The following SNRPB variants were observed in gnomAD, a reference collection of about 807,000 sequenced individuals.
SNRPB encodes the protein small nuclear ribonucleoprotein polypeptides B and B1.
SNRPB carries 5 observed loss-of-function variants against 26.6 expected under a neutral mutation model. The ratio of observed to expected loss-of-function variants is 0.19; its 90% CI spans 0.10 to 0.39. The LOEUF (loss-of-function observed/expected upper bound fraction) is 0.39. Among genes scored for constraint, SNRPB ranks in the 10% least tolerant of loss-of-function variants. SNRPB has a pLI of 1.00. For synonymous variants in SNRPB, 122 were observed against 105.8 expected, an observed-to-expected ratio of 1.15 and a Z score of -0.94; for missense variants, 211 against 311.9, an observed-to-expected ratio of 0.68 and a Z score of 2.44.
At chr20:2,466,491 G>T (rs1357223158) in intron 2 of SNRPB, among the ~76,000 whole-genome samples, 2 of 152,068 alleles carry the variant, frequency 1.3e-5, no homozygotes, top group Non-Finnish European at 2.9e-5. Flanking sequence ...GCTAAAGCTA[G>T]ATCCTAAAAA....
intron 1 of SNRPB, among the ~76,000 whole-genome samples, chr20:2,469,448 T>C (rs2085097985): frequency 6.6e-6 from 1 of 152,142 alleles, no homozygotes. Context: ...TCCCAGCACT[T>C]TGGGAGGCCA....
chr20:2,462,026 T>C, intron 6 of SNRPB, 87 bp from the exon 7 acceptor site: 1 of 908,334 alleles, frequency 1.1e-6, no homozygotes, highest in East Asian at 2.4e-5. Context: ...CCTGCAGTAA[T>C]CGAGTGAGGA....
At position 2,461,662 on chromosome 20, in the gene SNRPB, A is replaced by G; in HGVS notation, c.*267T>C. On this transcript the variant is annotated 3_prime_UTR_variant, in exon 7 of 7. Coordinates refer to ENST00000381342, the MANE Select transcript of SNRPB (RefSeq NM_003091.4). ...AATTATAATGTTCTCTTAAGAGTTT[A>G]TTATAAACCAGTTTCATAGGCCACA... is the stretch of plus-strand genomic sequence containing the variant. 1 of 853,078 alleles carries G rather than the reference A, an allele frequency of 1.2e-6. No homozygotes were observed. The highest frequency in any genetic ancestry group is 1.8e-6 in the Non-Finnish European group (1 of 550,522). 52.8% of individuals were successfully genotyped at this position (853,078 alleles called of 1,614,324 possible).
At chr20:2,467,814 T>C in intron 1 of SNRPB, 56 bp from the exon 2 acceptor site, 1 of 1,556,564 alleles carries the variant, frequency 6.4e-7, no homozygotes, top group Non-Finnish European at 8.8e-7. Context: ...CAAGCACCTC[T>C]GGCCCTCCCC....
chr20:2,463,288 C>T lies in SNRPB; in HGVS notation c.421-61G>A, dbSNP rs2085048823. 3.0e-6 allele frequency: 4 copies of T among 1,335,206 alleles called. No individual in the cohort carries two copies. The highest frequency in any genetic ancestry group is 4.3e-6 in the Non-Finnish European group (4 of 927,158). The allele number at this position is 1,335,206 out of a possible 1,614,324, so 82.7% of individuals were successfully genotyped here. ...CAGTACAATGCAGCTTCCCACTCTC[C>T]TCCCCAACTTGGGGAAGGACAGTGG... On this transcript the variant is annotated intron_variant, in intron 4 of 6. Coordinates refer to ENST00000381342, the MANE Select transcript of SNRPB (RefSeq NM_003091.4). The surrounding 1 kb of genome is among the most constrained non-coding windows in gnomAD (Gnocchi z 5.0).
intron 6 of SNRPB, among the ~76,000 whole-genome samples, chr20:2,462,273 GA>G (rs11342325): frequency 0.042 from 6,429 of 152,180 alleles, 429 homozygotes; most frequent in African/African-American, 0.14. Flanking sequence ...AAGTTAAAGA[GA>G]AATCCATAAT....
chr20:2,461,907 T>A lies in SNRPB; in HGVS notation c.*22A>T, dbSNP rs745435272. ...CGAGCCCACGCCTCTGCGGAGCTAC[T>A]TCCATACTCTGTGGCCAAGGGTCAA... On this transcript the variant is annotated 3_prime_UTR_variant, in exon 7 of 7. Transcript: ENST00000381342. 1 of 1,613,762 alleles carries A rather than the reference T, an allele frequency of 6.2e-7. No homozygotes were observed. The highest frequency in any genetic ancestry group is 8.5e-7 in the Non-Finnish European group (1 of 1,179,918).
At position 2,463,037 on chromosome 20, in the gene SNRPB, C is replaced by T. The variant is rs1568462838; in HGVS notation, c.559+52G>A. On this transcript the variant is annotated intron_variant, in intron 5 of 6. Coordinates refer to ENST00000381342, the MANE Select transcript of SNRPB (RefSeq NM_003091.4). This position sits in a 1 kb window ranked among gnomAD's most constrained non-coding sequence, Gnocchi z 5.0. ...TCAAGGTTATATCTCATCATTAATC[C>T]AGCTAAGGCATCTTCTATCAATTAG... 1 of 1,447,120 alleles carries T rather than the reference C, an allele frequency of 6.9e-7. No individual in the cohort carries two copies. The highest frequency in any genetic ancestry group is 9.3e-7 in the Non-Finnish European group (1 of 1,071,268). 89.6% of individuals were successfully genotyped at this position (1,447,120 alleles called of 1,614,324 possible). A position where few individuals can be genotyped will look rare whatever the true frequency, so the allele number is the denominator to read the frequency against.
At chr20:2,464,895 A>C (rs1008573992) in intron 3 of SNRPB, among the ~76,000 whole-genome samples, 16 of 151,034 alleles carry the variant, frequency 1.1e-4, no homozygotes, top group African/African-American at 3.9e-4. Context: ...AAAAAAAAAA[A>C]CCCTTCAAAT....
chr20:2,466,442 G>C (rs1385176967), intron 2 of SNRPB, among the ~76,000 whole-genome samples: 1 of 151,940 alleles, frequency 6.6e-6, no homozygotes, highest in East Asian at 1.9e-4. Flanking sequence ...TGTGAAGTAG[G>C]AAAAATAACT....
rs1347067482 is a variant in SNRPB, at chr20:2,461,814, T to C, written c.*115A>G. On this transcript the variant is annotated 3_prime_UTR_variant, in exon 7 of 7. Coordinates refer to ENST00000381342, the MANE Select transcript of SNRPB (RefSeq NM_003091.4). ...GGGCCCTGTAAGGGAAACCAGACAA[T>C]CCCATGAGACTCCACGAACAACAGC... is the stretch of plus-strand genomic sequence containing the variant. 6.2e-7 allele frequency: 1 copy of C among 1,613,338 alleles called. No homozygotes were observed. The highest frequency in any genetic ancestry group is 8.5e-7 in the Non-Finnish European group (1 of 1,179,738).
chr20:2,465,651 GA>G, intron 3 of SNRPB, 56 bp downstream of exon 3: 1 of 1,174,392 alleles, frequency 8.5e-7, no homozygotes, highest in East Asian at 2.3e-5. Flanking sequence ...ATCTAACACA[GA>G]GCCTGGCTCA....
Position 2,461,950 on chromosome 20 carries a change from A to G in SNRPB, c.686-11T>C. On this transcript the variant is annotated splice_polypyrimidine_tract_variant and intron_variant, in intron 6 of 6. Coordinates refer to ENST00000381342, the MANE Select transcript of SNRPB (RefSeq NM_003091.4). ...AGGGTCAAAGAAGGCCTGAAGTAAG[A>G]GTAAGAAGTTTAGTCAGTGCCTGAT... 1 of 1,608,332 alleles carries G rather than the reference A, an allele frequency of 6.2e-7. No individual in the cohort carries two copies. The highest frequency in any genetic ancestry group is 8.5e-7 in the Non-Finnish European group (1 of 1,176,858).
At chr20:2,467,831 TC>T in intron 1 of SNRPB, 73 bp from the exon 2 acceptor site, 1 of 1,421,842 alleles carries the variant, frequency 7.0e-7, no homozygotes, top group Non-Finnish European at 9.7e-7. Context: ...CCCCAAAACT[TC>T]CCATGGCGTT....
Position 2,462,642 on chromosome 20 carries a change from T to A in SNRPB, c.679A>T (p.Met227Leu). Residue 227 changes from methionine to leucine, a missense_variant, in exon 6 of 7, where the codon ATG becomes TTG. Coordinates refer to ENST00000381342, the MANE Select transcript of SNRPB (RefSeq NM_003091.4). The part of the protein sequence containing the change: ...PPGMRPPPPG[M>L]RGLL ...CACCACTGCAGGCACTTACCTCGCA[T>A]CCCAGGGGGAGGAGGCCGCATTCCC... is the stretch of plus-strand genomic sequence containing the variant. 1 of 1,613,104 alleles carries A rather than the reference T, an allele frequency of 6.2e-7. No individual in the cohort carries two copies. The highest frequency in any genetic ancestry group is 8.5e-7 in the Non-Finnish European group (1 of 1,179,218).
rs73571298 is a variant in SNRPB, at chr20:2,468,649, G to T, written c.4-891C>A. 9.9e-3 allele frequency among the ~76,000 whole-genome samples: 1,511 copies of T among 152,320 alleles called. 29 individuals carry two copies. Among genetic ancestry groups the T allele is most frequent in the African/African-American group, 0.035 (1,446 of 41,560 alleles). Reference sequence around the variant, plus strand: ...GATCAAAACCTTGACTCCATGGCCGGGCTCAGTGGCTCACTCCTGCAATCC... The same window carrying T: ...GATCAAAACCTTGACTCCATGGCCGTGCTCAGTGGCTCACTCCTGCAATCC... On this transcript the variant is annotated intron_variant, in intron 1 of 6. Transcript: ENST00000381342.
At chr20:2,467,802 C>A in intron 1 of SNRPB, 44 bp from the exon 2 acceptor site, 1 of 1,594,646 alleles carries the variant, frequency 6.3e-7, no homozygotes. Context: ...CTCTTTTGGA[C>A]CCAAGCACCT....
chr20:2,461,979 C>T (rs1479962624), intron 6 of SNRPB, 40 bp from the exon 7 acceptor site: 6 of 1,484,262 alleles, frequency 4.0e-6, no homozygotes, highest in South Asian at 1.1e-5. Context: ...GCCTGATCTG[C>T]AACTTGAATC....
intron 1 of SNRPB, among the ~76,000 whole-genome samples, chr20:2,470,143 G>A (rs2085102873): frequency 6.6e-6 from 1 of 152,196 alleles, no homozygotes; most frequent in Non-Finnish European, 1.5e-5. Context: ...TCAGGCACAG[G>A]CAAACACGGA....
Sources: allele counts gnomAD v4.1 joint callset (sites outside exome capture counted in the v4.1 genomes callset), GRCh38; gene constraint gnomAD v4.1.1; non-coding constraint Gnocchi (gnomAD v3.1); transcripts MANE v1.5; gene names NCBI Gene and HGNC (gene_info 2026-07-23, HGNC 2026-07-21).